Variants in CHAF1A observed in about 807,000 individuals in gnomAD.
CHAF1A encodes chromatin assembly factor 1 subunit A, also known as CAF-1 subunit A.
Under a neutral mutation model 93.2 loss-of-function variants are expected in CHAF1A, and 5 were observed. The observed-to-expected ratio is 0.05, with a 90% CI of 0.03 to 0.11. CHAF1A has a LOEUF of 0.11. CHAF1A is among the 10% of genes least tolerant of loss of function. CHAF1A has a pLI of 1.00. For synonymous variants in CHAF1A, 504 were observed against 510.3 expected (o/e 0.99, Z 0.17); for missense variants, 1,102 against 1,259.9 (o/e 0.87, Z 1.90).
At chr19:4,406,929 A>G (rs1177544293) in intron 2 of CHAF1A, among the ~76,000 whole-genome samples, 1 of 151,878 alleles carries the variant, frequency 6.6e-6, no homozygotes, top group Non-Finnish European at 1.5e-5. Flanking sequence ...TGTCTCTTGA[A>G]AAAAAGGGGG....
chr19:4,441,730 C>A (rs1364268907), intron 13 of CHAF1A, among the ~76,000 whole-genome samples: 1 of 151,916 alleles, frequency 6.6e-6, no homozygotes, highest in African/African-American at 2.4e-5. Context: ...ACGATGAAAC[C>A]CCGTCTCTAC....
In CHAF1A at chr19:4,433,274, C is replaced by T. The variant is rs1207764830; in HGVS notation, c.2408C>T (p.Ser803Phe). The T allele has an allele frequency of 6.2e-7, 1 of 1,614,216 alleles. No homozygotes were observed. Reference sequence around the variant, plus strand: ...AAGTCCCGGCTCAAGCGGCTCATTTCCGAGAACTCAGTGTATGAGAAGCGG... The same window carrying T: ...AAGTCCCGGCTCAAGCGGCTCATTTTCGAGAACTCAGTGTATGAGAAGCGG... ...PSKSRLKRLI[S>F]ENSVYEKRPD... Residue 803 changes from serine to phenylalanine, a missense_variant, in exon 13 of 15, where the codon TCC becomes TTC. This residue lies in a region of CHAF1A where 76 missense variants were observed against 129.8 expected (regional missense o/e 0.59). Transcript: ENST00000301280. This position sits in a 1 kb window ranked among gnomAD's most constrained non-coding sequence, Gnocchi z 5.6.
chr19:4,435,057 G>A (rs2145138238), intron 13 of CHAF1A, among the ~76,000 whole-genome samples: 1 of 150,534 alleles, frequency 6.6e-6, no homozygotes, highest in South Asian at 2.1e-4. Context: ...ACAGTGTTCG[G>A]AAGTGAGTTT....
chr19:4,431,273 C>T (rs1472869675), intron 11 of CHAF1A, among the ~76,000 whole-genome samples: 1 of 151,950 alleles, frequency 6.6e-6, no homozygotes, highest in Admixed American at 6.6e-5. Context: ...GGACTACAGG[C>T]GTGTGCCACC....
chr19:4,430,001 GC>G (rs1259032599), intron 10 of CHAF1A: 5 of 532,506 alleles, frequency 9.4e-6, no homozygotes, highest in Non-Finnish European at 1.3e-5. Flanking sequence ...CCACGTGGCT[GC>G]TGGGGATGGG....
chr19:4,420,239 G>A (rs1367170754), intron 4 of CHAF1A, among the ~76,000 whole-genome samples: 1 of 140,554 alleles, frequency 7.1e-6, no homozygotes, highest in Non-Finnish European at 1.5e-5. Flanking sequence ...AGCTGGGCAG[G>A]TGAGCGTTTT....
chr19:4,416,906 TTAAAA>T (rs1488768725), intron 3 of CHAF1A, among the ~76,000 whole-genome samples: 1 of 151,992 alleles, frequency 6.6e-6, no homozygotes, highest in African/African-American at 2.4e-5. Flanking sequence ...AAAAATAACA[TTAAAA>T]TAAAAAGCAG....
intron 3 of CHAF1A, among the ~76,000 whole-genome samples, chr19:4,417,811 G>A (rs973733789): frequency 6.6e-6 from 1 of 152,024 alleles, no homozygotes; most frequent in African/African-American, 2.4e-5. Context: ...TGTGCTTGGT[G>A]TCCTTCACTC....
At chr19:4,423,007 C>G (rs1701601696) in intron 5 of CHAF1A, among the ~76,000 whole-genome samples, 1 of 152,194 alleles carries the variant, frequency 6.6e-6, no homozygotes, top group South Asian at 2.1e-4. Flanking sequence ...TCCAACTCAC[C>G]CTGGACCCCT....
intron 3 of CHAF1A, among the ~76,000 whole-genome samples, chr19:4,411,900 C>T (rs572092380): frequency 2.0e-5 from 3 of 151,808 alleles, no homozygotes; most frequent in African/African-American, 4.8e-5. Flanking sequence ...CCGCTTGCCT[C>T]GGCCTCCCAA....
intron 2 of CHAF1A, among the ~76,000 whole-genome samples, chr19:4,406,433 ATTTT>A (rs35200206): frequency 7.5e-6 from 1 of 133,224 alleles, no homozygotes; most frequent in Admixed American, 7.8e-5. Flanking sequence ...TTGGATTGTA[ATTTT>A]TTTTTTTTTT....
intron 12 of CHAF1A, among the ~76,000 whole-genome samples, chr19:4,432,632 C>T (rs1050337208): frequency 6.6e-6 from 1 of 151,928 alleles, no homozygotes; most frequent in Non-Finnish European, 1.5e-5. Context: ...TGGTATCACG[C>T]ACCTGTGATC....
downstream of CHAF1A, chr19:4,447,278 C>T (rs1019802735): frequency 7.0e-6 from 4 of 572,006 alleles, no homozygotes; most frequent in African/African-American, 1.9e-5. Flanking sequence ...TCCCCAGAGT[C>T]GACATGTTCC....
At chr19:4,435,693 T>C (rs540394105) in intron 13 of CHAF1A, among the ~76,000 whole-genome samples, 39 of 152,320 alleles carry the variant, frequency 2.6e-4, no homozygotes, top group Admixed American at 4.6e-4. Context: ...TTCTAATATC[T>C]ACACTTAACG....
intron 7 of CHAF1A, among the ~76,000 whole-genome samples, chr19:4,426,935 T>C (rs1974092922): frequency 6.6e-6 from 1 of 151,494 alleles, no homozygotes; most frequent in Non-Finnish European, 1.5e-5. Flanking sequence ...ATACTAAAAA[T>C]ACAAAAATTA....
Position 4,442,238 on chromosome 19 carries a change from T to G in CHAF1A, c.2674-7T>G. 6.2e-7 allele frequency: 1 copy of G among 1,613,796 alleles called. No individual in the cohort carries two copies. Among genetic ancestry groups the G allele is most frequent in the Non-Finnish European group, 8.5e-7 (1 of 1,179,726 alleles). On this transcript the variant is annotated splice_region_variant and splice_polypyrimidine_tract_variant and intron_variant, in intron 13 of 14. Coordinates refer to ENST00000301280, the MANE Select transcript of CHAF1A (RefSeq NM_005483.3). ...AGTGCTGATGGCCGTGTACCCTGTCTGTCCAGATTGGTGCTGAAGACATGG... is the reference window on the plus strand; with the variant it reads ...AGTGCTGATGGCCGTGTACCCTGTCGGTCCAGATTGGTGCTGAAGACATGG...
chr19:4,416,088 C>A (rs533632366), intron 3 of CHAF1A, among the ~76,000 whole-genome samples: 1 of 152,036 alleles, frequency 6.6e-6, no homozygotes, highest in Non-Finnish European at 1.5e-5. Context: ...GCAGGAGAAT[C>A]GCTTGAACCC....
Position 4,409,723 on chromosome 19 carries a change from T to C in CHAF1A, c.924T>C (p.Ser308=). The C allele has an allele frequency of 6.2e-7, 1 of 1,613,908 alleles. No homozygotes were observed. Among genetic ancestry groups the C allele is most frequent in the Non-Finnish European group, 8.5e-7 (1 of 1,179,864 alleles). Residue 308 remains serine, a synonymous_variant, in exon 3 of 15, where the codon AGT becomes AGC. Transcript: ENST00000301280. Reference sequence around the variant, plus strand: ...CTGCTCCCCCAAAGCAGCACAGCAGTACCAGTCCCTTCCCCACCTCCACGC... The same window carrying C: ...CTGCTCCCCCAAAGCAGCACAGCAGCACCAGTCCCTTCCCCACCTCCACGC... ...GPPAPPKQHS[S]TSPFPTSTPL...
Position 4,409,312 on chromosome 19 carries a change from T to C in CHAF1A, c.513T>C (p.Phe171=). 6.2e-7 allele frequency: 1 copy of C among 1,614,060 alleles called. No homozygotes were observed. The highest frequency in any genetic ancestry group is 8.5e-7 in the Non-Finnish European group (1 of 1,179,986). The change falls in exon 3 of 15, where the codon TTT becomes TTC. Residue 171 remains phenylalanine (F), a synonymous_variant. Coordinates refer to ENST00000301280, the MANE Select transcript of CHAF1A (RefSeq NM_005483.3). ...CCATTCAGAACGACAAGTTGGCATTTCCTGGAGAGACCCTTTCAGACATTC... is the reference window on the plus strand; with the variant it reads ...CCATTCAGAACGACAAGTTGGCATTCCCTGGAGAGACCCTTTCAGACATTC... ...LKAIQNDKLA[F]PGETLSDIPC...
Sources: allele counts gnomAD v4.1 joint callset (sites outside exome capture counted in the v4.1 genomes callset), GRCh38; gene constraint gnomAD v4.1.1; regional missense constraint gnomAD v4.1.1; non-coding constraint Gnocchi (gnomAD v3.1); transcripts MANE v1.5; gene names NCBI Gene and HGNC (gene_info 2026-07-23, HGNC 2026-07-21).